Variants in HEATR4 observed in about 807,000 individuals in gnomAD.
HEATR4 encodes the protein HEAT repeat containing 4.
HEATR4 carries 95 observed loss-of-function variants against 108.8 expected under a neutral mutation model. That is an observed-to-expected ratio of 0.87 (90% CI 0.74 to 1.04). The LOEUF (loss-of-function observed/expected upper bound fraction) is 1.04. Among genes scored for constraint, HEATR4 ranks in the 50% least tolerant of loss-of-function variants. The probability of loss-of-function intolerance (pLI) is 0.00; values close to 1 mark genes in which losing one functional copy is unlikely to be tolerated. For synonymous variants in HEATR4, 443 were observed against 459.4 expected (o/e 0.96, Z 0.46); for missense variants, 1,152 against 1,253.8 (o/e 0.92, Z 1.23).
rs1448085975 is a variant in HEATR4, at chr14:73,492,192, A to T, written c.2844+874T>A. ...GAGCCGGTGCTGCAGACCGTGCTGG[A>T]ACCTGGAGATTTGCTGTATTTTCCT... On this transcript the variant is annotated intron_variant, in intron 17 of 17. Coordinates refer to ENST00000553558, the MANE Select transcript of HEATR4 (RefSeq NM_001220484.1). The surrounding 1 kb of genome is among the most constrained non-coding windows in gnomAD (Gnocchi z 4.9). 6.2e-7 allele frequency: 1 copy of T among 1,613,784 alleles called. No homozygotes were observed. Among genetic ancestry groups the T allele is most frequent in the Admixed American group, 1.7e-5 (1 of 59,982 alleles).
At chr14:73,491,479 C>T in intron 17 of HEATR4, 1 of 1,497,506 alleles carries the variant, frequency 6.7e-7, no homozygotes, top group Non-Finnish European at 8.9e-7. Flanking sequence ...CCGCGCAACA[C>T]TTAGCGGCCG....
chr14:73,570,903 T>TAAAA, the HEATR4 span, among the ~76,000 whole-genome samples: 6 of 137,458 alleles, frequency 4.4e-5, no homozygotes, highest in African/African-American at 1.4e-4. Flanking sequence ...GACTCTATCT[T>TAAAA]AAAAAAAAAA....
At chr14:73,569,163 G>C in the HEATR4 span, 1 of 1,543,230 alleles carries the variant, frequency 6.5e-7, no homozygotes, top group Non-Finnish European at 8.8e-7. Flanking sequence ...TGATCGGCTG[G>C]ACTCTGGCCT....
the HEATR4 span, among the ~76,000 whole-genome samples, chr14:73,590,297 T>C: frequency 6.6e-6 from 1 of 152,218 alleles, no homozygotes; most frequent in East Asian, 1.9e-4. Context: ...AGAGTGCCGA[T>C]TGGTGTATTC....
the HEATR4 span, chr14:73,619,629 A>G: frequency 6.2e-7 from 1 of 1,614,206 alleles, no homozygotes; most frequent in Non-Finnish European, 8.5e-7. Context: ...GACCCCAGAT[A>G]ATCTGTTACC....
chr14:73,479,431 C>CTTTTTTTTT (rs1885156747), intron 17 of HEATR4, among the ~76,000 whole-genome samples: 1 of 90,756 alleles, frequency 1.1e-5, no homozygotes, highest in African/African-American at 4.8e-5. Context: ...TTCTTTCTTT[C>CTTTTTTTTT]TTTCTTTCTT....
chr14:73,485,990 C>T (rs1027875637), intron 17 of HEATR4, among the ~76,000 whole-genome samples: 14 of 152,070 alleles, frequency 9.2e-5, no homozygotes, highest in Non-Finnish European at 1.6e-4. Flanking sequence ...TTGGGATTAT[C>T]GGTGTTAGCC....
chr14:73,590,376 C>A, the HEATR4 span, among the ~76,000 whole-genome samples: 1 of 152,248 alleles, frequency 6.6e-6, no homozygotes, highest in Non-Finnish European at 1.5e-5. Flanking sequence ...CATAAAGATT[C>A]TCCAAGTCCC....
chr14:73,629,938 C>T, the HEATR4 span, among the ~76,000 whole-genome samples: 2 of 151,936 alleles, frequency 1.3e-5, no homozygotes, highest in Admixed American at 1.3e-4. Flanking sequence ...TGAACCACCA[C>T]ACCCGGCCCC....
intron 5 of HEATR4, among the ~76,000 whole-genome samples, chr14:73,514,790 C>T (rs1047713694): frequency 2.6e-5 from 4 of 152,068 alleles, no homozygotes; most frequent in Admixed American, 6.6e-5. Flanking sequence ...TATAGTTGGC[C>T]GGGTACGGTG....
chr14:73,532,281 T>G (rs1270200765), intron 1 of HEATR4, among the ~76,000 whole-genome samples: 2 of 115,564 alleles, frequency 1.7e-5, no homozygotes, highest in Non-Finnish European at 3.8e-5. Flanking sequence ...CTATTTTCCC[T>G]GATCTCCAAA....
chr14:73,569,827 T>A, the HEATR4 span: 997 of 1,598,206 alleles, frequency 6.2e-4, 9 homozygotes, highest in Non-Finnish European at 7.1e-4. Context: ...CCGCCCGGGG[T>A]GCGGCGCGAG....
the HEATR4 span, among the ~76,000 whole-genome samples, chr14:73,592,943 C>T: frequency 3.9e-3 from 601 of 152,334 alleles, 9 homozygotes; most frequent in Admixed American, 0.027. Context: ...TATAATATCC[C>T]AATGAAGTTG....
At chr14:73,496,517 T>A (rs1171088009) in intron 15 of HEATR4, 84 bp downstream of exon 15, 31 of 795,710 alleles carry the variant, frequency 3.9e-5, no homozygotes, top group East Asian at 7.3e-5. Context: ...AAAAAGGGTA[T>A]GTACATGTTT....
At chr14:73,531,851 C>T (rs1349452633) in intron 1 of HEATR4, among the ~76,000 whole-genome samples, 1 of 111,924 alleles carries the variant, frequency 8.9e-6, no homozygotes, top group Non-Finnish European at 1.9e-5. Context: ...GAAACCCCAT[C>T]TCTACTAAAA....
At chr14:73,496,465 G>T (rs1198420068) in intron 15 of HEATR4, 136 bp downstream of exon 15, 1 of 603,522 alleles carries the variant, frequency 1.7e-6, no homozygotes. Flanking sequence ...CAAATGATGT[G>T]GCATCTGTGT....
the HEATR4 span, among the ~76,000 whole-genome samples, chr14:73,591,242 G>A: frequency 6.6e-6 from 1 of 152,038 alleles, no homozygotes; most frequent in Admixed American, 6.6e-5. Flanking sequence ...GAGAGACCCT[G>A]TCTCAAATAC....
the HEATR4 span, among the ~76,000 whole-genome samples, chr14:73,596,896 G>C: frequency 6.6e-6 from 1 of 152,046 alleles, no homozygotes; most frequent in Admixed American, 6.6e-5. Context: ...ACCGCGCCCA[G>C]CTTACATAGC....
At chr14:73,624,248 G>A in the HEATR4 span, among the ~76,000 whole-genome samples, 3 of 151,848 alleles carry the variant, frequency 2.0e-5, no homozygotes, top group Non-Finnish European at 2.9e-5. Flanking sequence ...TCAGCATCCC[G>A]AGTAGCTGAG....
Sources: allele counts gnomAD v4.1 joint callset (sites outside exome capture counted in the v4.1 genomes callset), GRCh38; gene constraint gnomAD v4.1.1; non-coding constraint Gnocchi (gnomAD v3.1); transcripts MANE v1.5; gene names NCBI Gene and HGNC (gene_info 2026-07-23, HGNC 2026-07-21).